USH2A: variants seen among roughly 807,000 people sequenced by gnomAD.
USH2A encodes Usher syndrome 2A (autosomal recessive, mild).
USH2A carries 443 observed loss-of-function variants against 538.9 expected under a neutral mutation model. The ratio of observed to expected loss-of-function variants is 0.82; its 90% CI spans 0.76 to 0.89. The LOEUF is 0.89. USH2A is among the 40% of genes least tolerant of loss of function. USH2A has a pLI of 0.00. For synonymous variants in USH2A, 2,413 were observed against 2,273.5 expected, an observed-to-expected ratio of 1.06 and a Z score of -1.75; for missense variants, 6,633 against 6,324.8, an observed-to-expected ratio of 1.05 and a Z score of -1.65.
chr1:215,890,265 T>C (rs894432297), intron 40 of USH2A, among the ~76,000 whole-genome samples: 3 of 152,362 alleles, frequency 2.0e-5, no homozygotes, highest in Non-Finnish European at 2.9e-5. Context: ...AAAAAAGATA[T>C]ACTTGGATTT....
intron 3 of USH2A, among the ~76,000 whole-genome samples, chr1:216,392,866 T>G (rs192583876): frequency 1.1e-4 from 16 of 152,324 alleles, no homozygotes; most frequent in Admixed American, 7.2e-4. Context: ...TACGATTTTT[T>G]AAAACATCTG....
At chr1:215,655,340 C>T (rs1435597065) in intron 64 of USH2A, among the ~76,000 whole-genome samples, 3 of 152,168 alleles carry the variant, frequency 2.0e-5, no homozygotes, top group Non-Finnish European at 2.9e-5. Context: ...CAATAATCAT[C>T]ATAGAGTTAA....
rs951862898 is a variant in USH2A, at chr1:216,365,026, G to A, written c.711C>T (p.Phe237=). The change falls in exon 4 of 72, where the codon TTC becomes TTT. Residue 237 remains phenylalanine (F), a synonymous_variant. Transcript: ENST00000307340. ...TTGAACCACTTAGAGTTCTTGCATT[G>A]AAAGGTGTATGATCCTTCTCCACGC... ...INGVEKDHTP[F]NARTLSGSIT... The A allele has an allele frequency of 6.2e-7, 1 of 1,613,566 alleles. No individual in the cohort carries two copies. Among genetic ancestry groups the A allele is most frequent in the African/African-American group, 1.3e-5 (1 of 74,902 alleles).
intron 16 of USH2A, among the ~76,000 whole-genome samples, chr1:216,207,035 G>A (rs1315053684): frequency 1.3e-5 from 2 of 151,894 alleles, no homozygotes; most frequent in Non-Finnish European, 2.9e-5. Context: ...ATTCTTGATG[G>A]GGTCATTTTT....
chr1:216,029,729 T>C (rs1473812226), intron 32 of USH2A, among the ~76,000 whole-genome samples: 1 of 151,756 alleles, frequency 6.6e-6, no homozygotes, highest in Non-Finnish European at 1.5e-5. Flanking sequence ...TTATATATAT[T>C]GAATATGTAC....
At chr1:215,693,663 A>T (rs1176521443) in intron 61 of USH2A, among the ~76,000 whole-genome samples, 1 of 152,206 alleles carries the variant, frequency 6.6e-6, no homozygotes, top group Non-Finnish European at 1.5e-5. Context: ...GAAGTGTTTA[A>T]AGGAAAAGAA....
rs183288022 is a variant in USH2A, at chr1:215,727,210, T to C, written c.12066+820A>G. ...ACATAAATACATATATACACACACA[T>C]ACATACACACATATATACAAATACA... On this transcript the variant is annotated intron_variant, in intron 61 of 71. Coordinates refer to ENST00000307340, the MANE Select transcript of USH2A (RefSeq NM_206933.4). Among the ~76,000 whole-genome samples, 679 of 152,150 alleles carry C rather than the reference T, an allele frequency of 4.5e-3. 4 individuals are homozygous for C. The highest frequency in any genetic ancestry group is 0.016 in the African/African-American group (648 of 41,516).
In USH2A at chr1:215,639,231, AAAG is replaced by A. The variant is rs1553249310; in HGVS notation, c.14973_14975del (p.Phe4993del). 6.2e-7 allele frequency: 1 copy of A among 1,614,158 alleles called. No individual in the cohort carries two copies. Among genetic ancestry groups the A allele is most frequent in the East Asian group, 2.2e-5 (1 of 44,868 alleles). ...CGTCAGTCGTGCAGATGACCTGGAA[AAAG>A]AAGGCTAGACAAAAGGAAGAACTGG... On this transcript the variant is annotated inframe_deletion, in exon 69 of 72. Coordinates refer to ENST00000307340, the MANE Select transcript of USH2A (RefSeq NM_206933.4).
Position 215,639,165 on chromosome 1 carries a change from A to G in USH2A, c.15042T>C (p.Ser5014=). 1 of 1,614,162 alleles carries G rather than the reference A, an allele frequency of 6.2e-7. No homozygotes were observed. The highest frequency in any genetic ancestry group is 1.1e-5 in the South Asian group (1 of 91,084). ...ATATGAGTTGTTTACCAAGTCCAGT[A>G]GAGGTATCATATTGGATCAACGGCG... ...VKTPLIQYDT[S]TGLGLVLTTP... Residue 5014 remains serine (S), a synonymous_variant, in exon 69 of 72, where the codon TCT becomes TCC. Transcript: ENST00000307340.
At chr1:216,337,262 AT>A (rs1423748931) in intron 4 of USH2A, among the ~76,000 whole-genome samples, 1 of 151,430 alleles carries the variant, frequency 6.6e-6, no homozygotes, top group African/African-American at 2.4e-5. Flanking sequence ...TTTAATCCTC[AT>A]AAAAACACTA....
rs377145023 is a variant in USH2A at position 216,398,170 on chromosome 1, A to G, written c.651+20344T>C. Among the ~76,000 whole-genome samples, 329 of 152,302 alleles carry G rather than the reference A, an allele frequency of 2.2e-3. 16 individuals carry two copies. The South Asian group carries it at 0.063, about 29-fold the overall frequency. On this transcript the variant is annotated intron_variant, in intron 3 of 71. Coordinates refer to ENST00000307340, the MANE Select transcript of USH2A (RefSeq NM_206933.4). The stretch of plus-strand genomic sequence containing the variant: ...GACAAAGTCCTTTTTATAACACTAC[A>G]TGACTTCTGATCCTGACAGAGATGG...
Position 215,837,932 on chromosome 1 carries a change from T to C in USH2A, c.9371+59A>G, listed in dbSNP as rs953386749. The C allele has an allele frequency of 4.3e-6, 6 of 1,380,110 alleles. No homozygotes were observed. The Admixed American group carries it at 1.0e-4, about 23-fold the overall frequency. 85.5% of individuals were successfully genotyped at this position (1,380,110 alleles called of 1,614,324 possible). A position where few individuals can be genotyped will look rare whatever the true frequency, so the allele number is the denominator to read the frequency against. On this transcript the variant is annotated intron_variant, in intron 47 of 71. Transcript: ENST00000307340. Reference sequence around the variant, plus strand: ...CATGGCTGAGAGGATACCTTTGATTTTTATTTTCATTTCTTCTGATCAGAG... The same window carrying C: ...CATGGCTGAGAGGATACCTTTGATTCTTATTTTCATTTCTTCTGATCAGAG...
chr1:216,072,692 T>C, intron 29 of USH2A, 197 bp downstream of exon 29: 1 of 621,782 alleles, frequency 1.6e-6, no homozygotes, highest in East Asian at 2.8e-5. Flanking sequence ...AAGTATTTAG[T>C]GAATTCTTGG....
intron 61 of USH2A, among the ~76,000 whole-genome samples, chr1:215,706,134 G>C (rs937160897): frequency 2.6e-5 from 4 of 152,184 alleles, no homozygotes; most frequent in Non-Finnish European, 4.4e-5. Flanking sequence ...GGAAGAACCA[G>C]GATTTGCCTG....
At position 216,190,380 on chromosome 1, in the gene USH2A, AAAG is replaced by A; in HGVS notation, c.4252-16_4252-14del. On this transcript the variant is annotated splice_polypyrimidine_tract_variant and intron_variant, in intron 19 of 71. Coordinates refer to ENST00000307340, the MANE Select transcript of USH2A (RefSeq NM_206933.4). ...CAGTGTGCAACAGCTTCAAGGCAAA[AAAG>A]AAAGAAAGAAAGAAAGAAAGATAAT... 1 of 1,541,780 alleles carries A rather than the reference AAAG, an allele frequency of 6.5e-7. No homozygotes were observed.
chr1:216,334,563 CT>C (rs1229655462), intron 4 of USH2A, among the ~76,000 whole-genome samples: 1 of 151,858 alleles, frequency 6.6e-6, no homozygotes, highest in Non-Finnish European at 1.5e-5. Flanking sequence ...ACATGACCCC[CT>C]ATAGGAGTTC....
chr1:215,805,224 T>C (rs576107844), intron 49 of USH2A, among the ~76,000 whole-genome samples: 1 of 152,044 alleles, frequency 6.6e-6, no homozygotes, highest in African/African-American at 2.4e-5. Context: ...ACATGGCACA[T>C]GTATATATAT....
chr1:216,248,202 A>G (rs1431194388), intron 12 of USH2A, among the ~76,000 whole-genome samples: 3 of 152,100 alleles, frequency 2.0e-5, no homozygotes, highest in Non-Finnish European at 4.4e-5. Flanking sequence ...ACTTCTATTT[A>G]AAGGAGTACA....
intron 47 of USH2A, among the ~76,000 whole-genome samples, chr1:215,836,561 A>T (rs371319614): frequency 0.24 from 5,147 of 21,034 alleles, 806 homozygotes; most frequent in African/African-American, 0.38. Flanking sequence ...ATATATATAT[A>T]TATATTTTTT....
Sources: gnomAD v4.1 joint callset for allele counts (sites outside exome capture counted in the v4.1 genomes callset) on GRCh38, gnomAD v4.1.1 for gene constraint, MANE v1.5 for transcripts, NCBI Gene and HGNC (gene_info 2026-07-23, HGNC 2026-07-21) for gene names.